The following NRXN3 variants were observed in gnomAD, a reference collection of about 807,000 sequenced individuals.
NRXN3 encodes neurexin 3, also known as neurexin III.
In NRXN3, 32 loss-of-function variants were observed where a neutral mutation model predicts 137.6. The observed-to-expected ratio is 0.23, with a 90% CI of 0.18 to 0.31. The LOEUF is 0.31. Ranked by LOEUF, NRXN3 falls within the 10% of genes least tolerant of loss-of-function variation. The pLI, the probability that NRXN3 is intolerant of heterozygous loss-of-function variation, is 1.00. For synonymous variants in NRXN3, 798 were observed against 784.5 expected (o/e 1.02, Z -0.29); for missense variants, 1,574 against 2,062.5 (o/e 0.76, Z 4.59).
At chr14:78,254,635 G>GCCACTGCA (rs1428160392) in intron 2 of NRXN3, among the ~76,000 whole-genome samples, 1 of 148,222 alleles carries the variant, frequency 6.7e-6, no homozygotes, top group African/African-American at 2.5e-5. Flanking sequence ...CCGAGATCAC[G>GCCACTGCA]CCACTGCACT....
chr14:79,677,176 T>A (rs1194957904), intron 17 of NRXN3, among the ~76,000 whole-genome samples: 1 of 152,044 alleles, frequency 6.6e-6, no homozygotes, highest in Non-Finnish European at 1.5e-5. Context: ...ATTGAAATAT[T>A]TTTTATATTA....
intron 4 of NRXN3, among the ~76,000 whole-genome samples, chr14:78,368,477 G>A (rs1452826742): frequency 6.6e-6 from 1 of 152,128 alleles, no homozygotes; most frequent in Non-Finnish European, 1.5e-5. Flanking sequence ...TTGGGAGGCC[G>A]AGGTGGGAGT....
intron 15 of NRXN3, among the ~76,000 whole-genome samples, chr14:79,087,341 C>T (rs1016332189): frequency 1.3e-5 from 2 of 152,164 alleles, no homozygotes; most frequent in African/African-American, 4.8e-5. Flanking sequence ...CTCTGGGTCT[C>T]TCCTTCAGCC....
At chr14:78,984,965 CTGT>C (rs1273467871) in intron 14 of NRXN3, among the ~76,000 whole-genome samples, 2 of 152,302 alleles carry the variant, frequency 1.3e-5, no homozygotes, top group Admixed American at 6.5e-5. Context: ...AGTGACAATA[CTGT>C]TGTTCTTGGA....
At chr14:79,353,450 T>A (rs1196060839) in intron 15 of NRXN3, among the ~76,000 whole-genome samples, 1 of 152,168 alleles carries the variant, frequency 6.6e-6, no homozygotes, top group Non-Finnish European at 1.5e-5. Context: ...ATCTTCACAA[T>A]GGTCCTGTAC....
At chr14:79,791,544 AT>A (rs1306055887) in intron 19 of NRXN3, among the ~76,000 whole-genome samples, 4 of 145,660 alleles carry the variant, frequency 2.7e-5, no homozygotes, top group Admixed American at 6.9e-5. Flanking sequence ...ATTATAATTA[AT>A]TATATATAAT....
chr14:79,846,261 A>C (rs2099371482), intron 20 of NRXN3, among the ~76,000 whole-genome samples: 1 of 152,200 alleles, frequency 6.6e-6, no homozygotes, highest in South Asian at 2.1e-4. Flanking sequence ...AAGCACAATA[A>C]AACAAGATAT....
At chr14:78,433,756 T>A (rs1477957447) in intron 4 of NRXN3, among the ~76,000 whole-genome samples, 1 of 152,080 alleles carries the variant, frequency 6.6e-6, no homozygotes, top group Non-Finnish European at 1.5e-5. Flanking sequence ...CCAGAAACGG[T>A]AAGAAATAAA....
intron 16 of NRXN3, among the ~76,000 whole-genome samples, chr14:79,662,377 G>A (rs918450553): frequency 6.6e-5 from 10 of 152,156 alleles, no homozygotes; most frequent in Admixed American, 3.9e-4. Context: ...TATTTGAATA[G>A]TAAGGTTACA....
At chr14:79,034,512 T>C (rs557185783) in intron 15 of NRXN3, among the ~76,000 whole-genome samples, 1 of 152,176 alleles carries the variant, frequency 6.6e-6, no homozygotes, top group Non-Finnish European at 1.5e-5. Flanking sequence ...ATCTGGGAAA[T>C]AGGAAAAGTG....
chr14:79,473,510 G>C (rs907565695), intron 16 of NRXN3, among the ~76,000 whole-genome samples: 1 of 152,144 alleles, frequency 6.6e-6, no homozygotes, highest in African/African-American at 2.4e-5. Context: ...AGGTTAGGTG[G>C]CTGTTAGCTT....
chr14:79,279,513 G>T (rs1432191102), intron 15 of NRXN3: 1 of 986,022 alleles, frequency 1.0e-6, no homozygotes, highest in Non-Finnish European at 1.2e-6. Flanking sequence ...CCTCCACCCC[G>T]TGCCACGTTG....
chr14:79,613,205 A>T (rs1383005656), intron 16 of NRXN3, among the ~76,000 whole-genome samples: 1 of 152,238 alleles, frequency 6.6e-6, no homozygotes, highest in East Asian at 1.9e-4. Context: ...AAAGATAAAA[A>T]ATATAGAAGT....
At chr14:78,278,983 G>T (rs973078610) in intron 3 of NRXN3, among the ~76,000 whole-genome samples, 3 of 152,154 alleles carry the variant, frequency 2.0e-5, no homozygotes, top group African/African-American at 7.2e-5. Flanking sequence ...CCAATTTAAT[G>T]AACAACGTTA....
chr14:78,287,975 C>T (rs1324892613), intron 3 of NRXN3, among the ~76,000 whole-genome samples: 1 of 151,912 alleles, frequency 6.6e-6, no homozygotes, highest in Non-Finnish European at 1.5e-5. Context: ...AGAGTGGTCT[C>T]AGGACTCCCC....
chr14:79,376,136 TA>T (rs1162807429), intron 15 of NRXN3, among the ~76,000 whole-genome samples: 3 of 146,376 alleles, frequency 2.0e-5, no homozygotes, highest in Non-Finnish European at 3.0e-5. Flanking sequence ...ATGTATTATA[TA>T]TGGTATATGG....
chr14:79,328,402 C>T (rs942924843), intron 15 of NRXN3, among the ~76,000 whole-genome samples: 4 of 152,122 alleles, frequency 2.6e-5, no homozygotes, highest in African/African-American at 9.7e-5. Flanking sequence ...CAGTGTCAGA[C>T]ATTAACAAAA....
Position 78,805,587 on chromosome 14 carries a change from G to GA in NRXN3, c.2248+1771dup, listed in dbSNP as rs1235519321. On this transcript the variant is annotated intron_variant, in intron 9 of 20. Coordinates refer to ENST00000335750, the MANE Select transcript of NRXN3 (RefSeq NM_001330195.2). Reference sequence around the variant, plus strand: ...CAGCCAGCAGCTGATTATCTCCTCAGAAAAAAACAACAGAAAAAAAAAAAA... The same window carrying GA: ...CAGCCAGCAGCTGATTATCTCCTCAGAAAAAAAACAACAGAAAAAAAAAAAA... Among the ~76,000 whole-genome samples, 30 of 104,088 alleles carry GA rather than the reference G, an allele frequency of 2.9e-4. 1 individual carries two copies. The highest frequency in any genetic ancestry group is 9.6e-4 in the Admixed American group (9 of 9,416). The allele number at this position is 104,088 out of a possible 152,430, so 68.3% of individuals were successfully genotyped here.
At chr14:79,604,648 G>A (rs941687830) in intron 16 of NRXN3, among the ~76,000 whole-genome samples, 1 of 151,978 alleles carries the variant, frequency 6.6e-6, no homozygotes, top group Admixed American at 6.6e-5. Flanking sequence ...TTAACCAGCT[G>A]ACCAAATGCC....
Sources: gnomAD v4.1 joint callset for allele counts (sites outside exome capture counted in the v4.1 genomes callset) on GRCh38, gnomAD v4.1.1 for gene constraint, MANE v1.5 for transcripts, NCBI Gene and HGNC (gene_info 2026-07-23, HGNC 2026-07-21) for gene names.